The following PLCB3 variants were observed in gnomAD, a reference collection of about 807,000 sequenced individuals.
PLCB3 encodes the protein phospholipase C beta 3.
Under a neutral mutation model 152.1 loss-of-function variants are expected in PLCB3, and 54 were observed. The observed-to-expected ratio is 0.36, with a 90% CI of 0.29 to 0.45. PLCB3 has a LOEUF of 0.45. Ranked by LOEUF, PLCB3 falls within the 20% of genes least tolerant of loss-of-function variation. The pLI, the probability that PLCB3 is intolerant of heterozygous loss-of-function variation, is 1.00. For missense variants in PLCB3, 1,248 were observed against 1,687.5 expected (o/e 0.74, Z 4.56); for synonymous variants, 717 against 698.7 (o/e 1.03, Z -0.41).
rs2031393265 is a variant in PLCB3, at chr11:64,254,279, AGGACCTGT to A, written c.100-131_100-124del. 1.2e-5 allele frequency: 9 copies of A among 728,346 alleles called. No homozygotes were observed. In the South Asian group the frequency reaches 1.3e-4, roughly 10 times the overall value. 45.1% of individuals were successfully genotyped at this position (728,346 alleles called of 1,614,324 possible). A position where few individuals can be genotyped will look rare whatever the true frequency, so the allele number is the denominator to read the frequency against. On this transcript the variant is annotated intron_variant, in intron 1 of 30. Coordinates refer to ENST00000279230, the MANE Select transcript of PLCB3 (RefSeq NM_000932.5). ...TTCTGAGGGCCACAGGCAGCCACACAGGACCTGTGGACTGGATGAGGTTTCGTCTTAGC... is the reference window on the plus strand; with the variant it reads ...TTCTGAGGGCCACAGGCAGCCACACAGGACTGGATGAGGTTTCGTCTTAGC...
intron 25 of PLCB3, 22 bp downstream of exon 25, chr11:64,265,524 G>T (rs1565338188): frequency 6.3e-7 from 1 of 1,579,172 alleles, no homozygotes; most frequent in Non-Finnish European, 8.6e-7. Flanking sequence ...GGCCGCCTGT[G>T]TGCTATGTGT....
Position 64,264,108 on chromosome 11 carries a change from G to A in PLCB3, c.2648G>A (p.Ser883Asn). Residue 883 changes from serine (S) to asparagine (N), a missense_variant, in exon 22 of 31, where the codon AGT becomes AAT. Around this residue, in one of 6 missense-constraint regions of PLCB3, gnomAD observed 477 missense variants for 489.6 expected, o/e 0.97. Coordinates refer to ENST00000279230, the MANE Select transcript of PLCB3 (RefSeq NM_000932.5). ...CAGCTGGCCGCCCTCATTGGGGAGA[G>A]TGAGGTGAGCCGGGGCAGGGCAGGG... Reference protein sequence around the residue: ...ARQLAALIGESEAQAGQETCQ... With the variant: ...ARQLAALIGENEAQAGQETCQ... 6.5e-7 allele frequency: 1 copy of A among 1,532,672 alleles called. No individual in the cohort carries two copies. The highest frequency in any genetic ancestry group is 8.8e-7 in the Non-Finnish European group (1 of 1,141,898). 94.9% of individuals were successfully genotyped at this position (1,532,672 alleles called of 1,614,324 possible). A position where few individuals can be genotyped will look rare whatever the true frequency, so the allele number is the denominator to read the frequency against.
At position 64,258,944 on chromosome 11, in the gene PLCB3, T is replaced by G; in HGVS notation, c.1313T>G (p.Leu438Arg). The G allele has an allele frequency of 6.2e-7, 1 of 1,613,788 alleles. No individual in the cohort carries two copies. The change falls in exon 12 of 31, where the codon CTC becomes CGC. Residue 438 changes from leucine (L) to arginine (R), a missense_variant. Transcript: ENST00000279230. The surrounding 1 kb of genome is among the most constrained non-coding windows in gnomAD (Gnocchi z 7.2). ...YCRSIFGDAL[L>R]IEPLDKYPLA... ...CGCTCCATCTTTGGAGACGCGCTAC[T>G]CATCGAGCCTCTGGACAAGTACCCG...
At position 64,254,482 on chromosome 11, in the gene PLCB3, G is replaced by A; in HGVS notation, c.167G>A (p.Gly56Asp). ...DPNGFFLYWT[G>D]PNMEVDTLDI... ...AATGGCTTCTTCTTGTACTGGACGGGCCCCAACATGGTGAGGGTGGGCGCT... is the reference window on the plus strand; with the variant it reads ...AATGGCTTCTTCTTGTACTGGACGGACCCCAACATGGTGAGGGTGGGCGCT... The change falls in exon 2 of 31, where the codon GGC (glycine) becomes GAC (aspartate). Residue 56 changes from glycine (G) to aspartate (D), a missense_variant. Around this residue, in one of 6 missense-constraint regions of PLCB3, gnomAD observed 299 missense variants for 434.7 expected, o/e 0.69. Coordinates refer to ENST00000279230, the MANE Select transcript of PLCB3 (RefSeq NM_000932.5). 6.2e-7 allele frequency: 1 copy of A among 1,613,842 alleles called. No homozygotes were observed. Among genetic ancestry groups the A allele is most frequent in the Non-Finnish European group, 8.5e-7 (1 of 1,179,936 alleles).
rs767603268 is a variant in PLCB3 at position 64,263,987 on chromosome 11, G to C, written c.2561-34G>C. Reference sequence around the variant, plus strand: ...CGGGTGGGGGTGGCCTGGGGGCTCTGTCTCTGAGACCTTGGCCTTCTGCCT... The same window carrying C: ...CGGGTGGGGGTGGCCTGGGGGCTCTCTCTCTGAGACCTTGGCCTTCTGCCT... On this transcript the variant is annotated intron_variant, in intron 21 of 30. Transcript: ENST00000279230. 3.9e-6 allele frequency: 6 copies of C among 1,526,554 alleles called. No individual in the cohort carries two copies. In the Admixed American group the frequency reaches 1.2e-4, roughly 29 times the overall value. The allele number at this position is 1,526,554 out of a possible 1,614,324, so 94.6% of individuals were successfully genotyped here.
rs778247289 is a variant in PLCB3 at position 64,261,386 on chromosome 11, G to C, written c.1732-14G>C. The C allele has an allele frequency of 1.2e-6, 2 of 1,608,592 alleles. No homozygotes were observed. Among genetic ancestry groups the C allele is most frequent in the Admixed American group, 1.7e-5 (1 of 60,024 alleles). ...GCGGGAATGGCACTGCTGACCCTGG[G>C]TTGGGGCCCACAGGGCACAGCCAGC... On this transcript the variant is annotated splice_polypyrimidine_tract_variant and intron_variant, in intron 14 of 30. Transcript: ENST00000279230.
Position 64,258,780 on chromosome 11 carries a change from A to T in PLCB3, c.1253+67A>T, listed in dbSNP as rs1182821959. The T allele has an allele frequency of 8.1e-6, 13 of 1,606,960 alleles. No homozygotes were observed. The highest frequency in any genetic ancestry group is 1.1e-5 in the Non-Finnish European group (13 of 1,174,728). Reference sequence around the variant, plus strand: ...AGTCTTCCAGCTTCAGTGCTGTTGGACTGCTCAGGGACCTCCAACCCTGCG... The same window carrying T: ...AGTCTTCCAGCTTCAGTGCTGTTGGTCTGCTCAGGGACCTCCAACCCTGCG... On this transcript the variant is annotated intron_variant, in intron 11 of 30. Coordinates refer to ENST00000279230, the MANE Select transcript of PLCB3 (RefSeq NM_000932.5). The surrounding 1 kb of genome is among the most constrained non-coding windows in gnomAD (Gnocchi z 7.2).
intron 14 of PLCB3, among the ~76,000 whole-genome samples, chr11:64,260,962 T>C (rs1340342306): frequency 6.6e-6 from 1 of 152,082 alleles, no homozygotes; most frequent in Non-Finnish European, 1.5e-5. Context: ...AGGGTCATGA[T>C]GTCTATAATT....
At chr11:64,261,548 A>G in intron 15 of PLCB3, 33 bp from the exon 16 acceptor site, 1 of 1,612,896 alleles carries the variant, frequency 6.2e-7, no homozygotes. Flanking sequence ...CAGCCCTGCC[A>G]GGTCTGACGC....
chr11:64,252,357 C>T (rs1350442683), intron 1 of PLCB3, among the ~76,000 whole-genome samples: 4 of 152,046 alleles, frequency 2.6e-5, no homozygotes, highest in Admixed American at 1.3e-4. Flanking sequence ...GAACTTTGCT[C>T]CCCACTCCTT....
chr11:64,259,085 C>A lies in PLCB3; in HGVS notation c.1366C>A (p.Pro456Thr). 2 of 1,612,596 alleles carry A rather than the reference C, an allele frequency of 1.2e-6. No homozygotes were observed. Among genetic ancestry groups the A allele is most frequent in the Non-Finnish European group, 1.7e-6 (2 of 1,179,470 alleles). ...GGCCCCAGGCGTTCCCCTGCCCAGC[C>A]CCCAGGACCTGATGGGCCGTATCCT... The part of the protein sequence containing the change: ...PLAPGVPLPS[P>T]QDLMGRILVK... The change falls in exon 13 of 31, where the codon CCC (proline) becomes ACC (threonine). Residue 456 changes from proline to threonine, a missense_variant. Physicochemically the swap from Pro to Thr is conservative, Grantham distance 38 (BLOSUM62 -1). Coordinates refer to ENST00000279230, the MANE Select transcript of PLCB3 (RefSeq NM_000932.5).
chr11:64,264,244 G>A, intron 22 of PLCB3, 132 bp downstream of exon 22: 1 of 573,178 alleles, frequency 1.7e-6, no homozygotes, highest in Non-Finnish European at 2.9e-6. Context: ...GGGATTTTGA[G>A]GAGATGAAAA....
At chr11:64,269,352 A>C (rs1203704134), downstream of PLCB3, among the ~76,000 whole-genome samples, 1 of 152,234 alleles carries the variant, frequency 6.6e-6, no homozygotes, top group Non-Finnish European at 1.5e-5. Flanking sequence ...CGGCACCAAG[A>C]ACCGGCCCGG....
intron 8 of PLCB3, among the ~76,000 whole-genome samples, 183 bp downstream of exon 8, chr11:64,256,004 C>G (rs2031511953): frequency 6.6e-6 from 1 of 152,132 alleles, no homozygotes; most frequent in African/African-American, 2.4e-5. Flanking sequence ...CGTTTCTGCC[C>G]CTCAGTTACA....
Position 64,267,302 on chromosome 11 carries a change from G to A in PLCB3, c.3501+31G>A, listed in dbSNP as rs2032171044. The stretch of plus-strand genomic sequence containing the variant: ...GCCATGGGCGAACAGGTGGGCAGAC[G>A]GGGTGCAAGGCAGCCAGGCCTCGCC... On this transcript the variant is annotated intron_variant, in intron 30 of 30. Transcript: ENST00000279230. This position sits in a 1 kb window ranked among gnomAD's most constrained non-coding sequence, Gnocchi z 5.2. 5.2e-6 allele frequency: 8 copies of A among 1,550,690 alleles called. No individual in the cohort carries two copies. The highest frequency in any genetic ancestry group is 3.5e-6 in the Non-Finnish European group (4 of 1,146,736).
downstream of PLCB3, among the ~76,000 whole-genome samples, chr11:64,268,227 T>C (rs535860701): frequency 2.6e-5 from 4 of 152,204 alleles, no homozygotes; most frequent in Non-Finnish European, 5.9e-5. Flanking sequence ...CCCCGCTTCC[T>C]GTGGCCTGAT....
chr11:64,268,312 G>A (rs1421423937), downstream of PLCB3, among the ~76,000 whole-genome samples: 1 of 152,188 alleles, frequency 6.6e-6, no homozygotes, highest in East Asian at 1.9e-4. Context: ...ATCAGGTGAT[G>A]GATCGGCCAG....
At chr11:64,261,865 G>C in intron 16 of PLCB3, 87 bp from the exon 17 acceptor site, 1 of 1,568,176 alleles carries the variant, frequency 6.4e-7, no homozygotes. Context: ...CGGGTGTGGG[G>C]GTCACAGGAG....
intron 17 of PLCB3, 122 bp from the exon 18 acceptor site, chr11:64,262,285 C>T: frequency 7.5e-7 from 1 of 1,334,430 alleles, no homozygotes; most frequent in Admixed American, 1.8e-5. Context: ...GACCCTGATG[C>T]CATTTGAGCC....
Sources: allele counts gnomAD v4.1 joint callset (sites outside exome capture counted in the v4.1 genomes callset), GRCh38; gene constraint gnomAD v4.1.1; regional missense constraint gnomAD v4.1.1; non-coding constraint Gnocchi (gnomAD v3.1); transcripts MANE v1.5; gene names NCBI Gene and HGNC (gene_info 2026-07-23, HGNC 2026-07-21).